Variants in MYO3B observed in about 807,000 individuals in gnomAD.
MYO3B encodes myosin-IIIb.
MYO3B carries 156 observed loss-of-function variants against 174.6 expected under a neutral mutation model. That is an observed-to-expected ratio of 0.89 (90% CI 0.78 to 1.02). The LOEUF is 1.02. Among genes scored for constraint, MYO3B ranks in the 50% least tolerant of loss-of-function variants. The probability of loss-of-function intolerance (pLI) is 0.00; values close to 1 mark genes in which losing one functional copy is unlikely to be tolerated. For synonymous variants in MYO3B, 563 were observed against 569.1 expected, an observed-to-expected ratio of 0.99 and a Z score of 0.15; for missense variants, 1,632 against 1,639.4, an observed-to-expected ratio of 1.00 and a Z score of 0.08.
intron 7 of MYO3B, among the ~76,000 whole-genome samples, chr2:170,330,046 T>C (rs181478342): frequency 7.5e-4 from 114 of 152,330 alleles, no homozygotes; most frequent in African/African-American, 2.5e-3. Context: ...TCTTAGTTAT[T>C]ATACTTCATT....
intron 7 of MYO3B, among the ~76,000 whole-genome samples, chr2:170,325,044 G>T (rs2093855526): frequency 6.6e-6 from 1 of 152,150 alleles, no homozygotes; most frequent in African/African-American, 2.4e-5. Context: ...TCAGGCTTGG[G>T]TTTGGGGGCA....
chr2:170,480,433 C>T (rs1489512759), intron 25 of MYO3B, among the ~76,000 whole-genome samples: 2 of 152,178 alleles, frequency 1.3e-5, no homozygotes, highest in African/African-American at 2.4e-5. Context: ...ACCCTTTCCC[C>T]GGTAACTTGC....
At chr2:170,487,660 G>A (rs1686153300) in intron 25 of MYO3B, among the ~76,000 whole-genome samples, 1 of 152,264 alleles carries the variant, frequency 6.6e-6, no homozygotes, top group Admixed American at 6.5e-5. Context: ...ATTGACTTAG[G>A]GCTGTGCAGA....
chr2:170,328,506 C>T (rs1461654707), intron 7 of MYO3B, among the ~76,000 whole-genome samples: 9 of 151,648 alleles, frequency 5.9e-5, no homozygotes, highest in African/African-American at 2.0e-4. Flanking sequence ...CCAGAAGATG[C>T]GGCAGTATAT....
chr2:170,602,068 G>A, intron 32 of MYO3B: 3 of 987,896 alleles, frequency 3.0e-6, no homozygotes, highest in African/African-American at 1.6e-5. Context: ...TTTATCTTTA[G>A]CAGACATGGC....
At chr2:170,255,547 C>T (rs2093297429) in intron 7 of MYO3B, among the ~76,000 whole-genome samples, 1 of 152,096 alleles carries the variant, frequency 6.6e-6, no homozygotes, top group Non-Finnish European at 1.5e-5. Flanking sequence ...ACCAAGGAAC[C>T]CATACAGAGC....
chr2:170,210,791 G>A (rs1008332153), intron 3 of MYO3B, among the ~76,000 whole-genome samples: 4 of 152,228 alleles, frequency 2.6e-5, no homozygotes, highest in East Asian at 1.9e-4. Flanking sequence ...GAACTAAAAC[G>A]TACCACAGCT....
intron 8 of MYO3B, among the ~76,000 whole-genome samples, chr2:170,339,446 A>G (rs1342834455): frequency 6.6e-6 from 1 of 152,062 alleles, no homozygotes; most frequent in Non-Finnish European, 1.5e-5. Flanking sequence ...AAGATTTCGT[A>G]TTGACTGCTG....
intron 32 of MYO3B, among the ~76,000 whole-genome samples, chr2:170,593,991 A>C (rs1243948286): frequency 6.6e-6 from 1 of 152,012 alleles, no homozygotes. Flanking sequence ...CTTCTCATCC[A>C]CTTTGATCAT....
chr2:170,610,100 G>C (rs1695043251), intron 32 of MYO3B, among the ~76,000 whole-genome samples: 1 of 152,184 alleles, frequency 6.6e-6, no homozygotes, highest in Non-Finnish European at 1.5e-5. Flanking sequence ...ACTTTAGGAG[G>C]CCAAGGCGGG....
At chr2:170,318,836 T>A (rs1224201928) in intron 7 of MYO3B, among the ~76,000 whole-genome samples, 2 of 151,962 alleles carry the variant, frequency 1.3e-5, no homozygotes, top group Non-Finnish European at 2.9e-5. Context: ...CTGTGTCATG[T>A]GTCGAAATCT....
chr2:170,408,380 C>G (rs1574933390), intron 22 of MYO3B: 1 of 152,474 alleles, frequency 6.6e-6, no homozygotes, highest in Admixed American at 6.5e-5. Context: ...TGCCTACTTA[C>G]AGTTACCTTC....
At chr2:170,647,809 C>T (rs2105473802) in intron 32 of MYO3B, 1 of 152,108 alleles carries the variant, frequency 6.6e-6, no homozygotes, top group East Asian at 1.9e-4. Flanking sequence ...AGTTGAAAAT[C>T]ATATCGTATA....
chr2:170,369,095 C>T, intron 8 of MYO3B, 127 bp from the exon 9 acceptor site: 1 of 667,338 alleles, frequency 1.5e-6, no homozygotes. Context: ...AAAGAGAGAG[C>T]TGTGTATCAT....
Position 170,236,086 on chromosome 2 carries a change from C to G in MYO3B, c.699C>G (p.Asp233Glu). The G allele has an allele frequency of 6.2e-7, 1 of 1,613,876 alleles. No individual in the cohort carries two copies. Among genetic ancestry groups the G allele is most frequent in the Non-Finnish European group, 8.5e-7 (1 of 1,179,896 alleles). The change falls in exon 7 of 35, where the codon GAC (aspartate) becomes GAG (glutamate). Residue 233 changes from aspartate to glutamate, a missense_variant. Asp to Glu is a conservative substitution (Grantham distance 45, BLOSUM62 2). Transcript: ENST00000408978. ...CAGCTATTGAACTGGGGGATGGAGA[C>G]CCTCCCCTCTTTGACATGCATCCTG... ...GITAIELGDGDPPLFDMHPVK... is the reference protein window; with the variant it reads ...GITAIELGDGEPPLFDMHPVK...
chr2:170,373,827 TTA>T (rs2094266779), intron 9 of MYO3B, among the ~76,000 whole-genome samples: 2 of 105,336 alleles, frequency 1.9e-5, no homozygotes, highest in Non-Finnish European at 2.0e-5. Context: ...TGAATGGCCT[TTA>T]AAAAAAAAAA....
At chr2:170,200,485 G>T (rs1256961963) in intron 3 of MYO3B, among the ~76,000 whole-genome samples, 2 of 152,148 alleles carry the variant, frequency 1.3e-5, no homozygotes, top group Admixed American at 1.3e-4. Flanking sequence ...TTGTTTCTCT[G>T]CTTCAGAGGT....
intron 22 of MYO3B, among the ~76,000 whole-genome samples, chr2:170,422,977 CTTTTTT>C (rs34882424): frequency 6.8e-5 from 6 of 88,506 alleles, no homozygotes; most frequent in Admixed American, 1.8e-4. Context: ...TTCTTTCTTT[CTTTTTT>C]TTTTTTTTTT....
Position 170,369,286 on chromosome 2 carries a change from A to G in MYO3B, c.880A>G (p.Lys294Glu), listed in dbSNP as rs779908392. 3.1e-6 allele frequency: 5 copies of G among 1,613,716 alleles called. No individual in the cohort carries two copies. Among genetic ancestry groups the G allele is most frequent in the Non-Finnish European group, 4.2e-6 (5 of 1,179,792 alleles). Residue 294 changes from lysine to glutamate, a missense_variant, in exon 9 of 35, where the codon AAA (lysine) becomes GAA (glutamate). Transcript: ENST00000408978. ...ACATCTCCTTGACCACCCATTTATT[A>G]AAGGAGTACATGGAAAAGTTCTGTT... ...VTHLLDHPFIKGVHGKVLFLQ... is the reference protein window; with the variant it reads ...VTHLLDHPFIEGVHGKVLFLQ...
Sources: gnomAD v4.1 joint callset for allele counts (sites outside exome capture counted in the v4.1 genomes callset) on GRCh38, gnomAD v4.1.1 for gene constraint, MANE v1.5 for transcripts, NCBI Gene and HGNC (gene_info 2026-07-23, HGNC 2026-07-21) for gene names.